Variants in CNTNAP2 observed in about 807,000 individuals in gnomAD.
CNTNAP2 encodes contactin associated protein 2.
CNTNAP2 carries 98 observed loss-of-function variants against 155.2 expected under a neutral mutation model. The observed-to-expected ratio is 0.63, with a 90% CI of 0.54 to 0.75. CNTNAP2 has a LOEUF of 0.75. CNTNAP2 is among the 30% of genes least tolerant of loss of function. The probability of loss-of-function intolerance (pLI) is 0.00; values close to 1 mark genes in which losing one functional copy is unlikely to be tolerated. For synonymous variants in CNTNAP2, 651 were observed against 631.2 expected, an observed-to-expected ratio of 1.03 and a Z score of -0.47; for missense variants, 1,727 against 1,688.1, an observed-to-expected ratio of 1.02 and a Z score of -0.40.
At chr7:147,263,603 A>G (rs969296923) in intron 8 of CNTNAP2, among the ~76,000 whole-genome samples, 1 of 152,324 alleles carries the variant, frequency 6.6e-6, no homozygotes, top group Non-Finnish European at 1.5e-5. Flanking sequence ...TGACTTATAC[A>G]TAATATTAAA....
At chr7:147,886,828 C>T (rs763109968) in intron 13 of CNTNAP2, among the ~76,000 whole-genome samples, 21 of 152,192 alleles carry the variant, frequency 1.4e-4, no homozygotes, top group Non-Finnish European at 2.5e-4. Context: ...CCAAAATTAA[C>T]ACTCTCCTAC....
chr7:147,740,874 C>A (rs1418036196), intron 13 of CNTNAP2, among the ~76,000 whole-genome samples: 1 of 152,062 alleles, frequency 6.6e-6, no homozygotes, highest in Non-Finnish European at 1.5e-5. Flanking sequence ...GAGGGAGGGC[C>A]CAGGCAGAAG....
At position 148,366,080 on chromosome 7, in the gene CNTNAP2, G is replaced by A. The variant is rs371033249; in HGVS notation, c.3476-17569G>A. ...TGTATGCATGTATGCATGTATGTGTGTGCATGTATACATGTATGTGTATGC... is the reference window on the plus strand; with the variant it reads ...TGTATGCATGTATGCATGTATGTGTATGCATGTATACATGTATGTGTATGC... On this transcript the variant is annotated intron_variant, in intron 21 of 23. Coordinates refer to ENST00000361727, the MANE Select transcript of CNTNAP2 (RefSeq NM_014141.6). 1.0e-3 allele frequency among the ~76,000 whole-genome samples: 6 copies of A among 6,020 alleles called. 3 individuals carry two copies. Among genetic ancestry groups the A allele is most frequent in the East Asian group, 1 (2 of 2 alleles). 3.9% of individuals were successfully genotyped at this position (6,020 alleles called of 152,430 possible).
chr7:146,572,141 A>T lies in CNTNAP2; in HGVS notation c.98-202130A>T, dbSNP rs529765427. On this transcript the variant is annotated intron_variant, in intron 1 of 23. Coordinates refer to ENST00000361727, the MANE Select transcript of CNTNAP2 (RefSeq NM_014141.6). ...CTTGAATATTAAAACTCAAATTCACATTCACATTTTAAGGTTTATGAAAAG... is the reference window on the plus strand; with the variant it reads ...CTTGAATATTAAAACTCAAATTCACTTTCACATTTTAAGGTTTATGAAAAG... Among the ~76,000 whole-genome samples the T allele has an allele frequency of 1.6e-4, 24 of 152,304 alleles. No individual in the cohort carries two copies. In the South Asian group the frequency reaches 4.8e-3, roughly 30 times the overall value.
intron 4 of CNTNAP2, among the ~76,000 whole-genome samples, chr7:147,076,509 T>G (rs899932644): frequency 2.6e-5 from 4 of 152,344 alleles, no homozygotes; most frequent in Admixed American, 2.6e-4. Flanking sequence ...TTTGTTTAAG[T>G]TCTTTGTAGA....
intron 13 of CNTNAP2, among the ~76,000 whole-genome samples, chr7:147,830,684 G>A (rs1196809589): frequency 6.6e-6 from 1 of 152,136 alleles, no homozygotes; most frequent in Non-Finnish European, 1.5e-5. Context: ...GGGTTGGAGG[G>A]AAAATAAGAT....
chr7:146,857,615 T>C (rs1306263487), intron 3 of CNTNAP2, among the ~76,000 whole-genome samples: 3 of 152,130 alleles, frequency 2.0e-5, no homozygotes, highest in African/African-American at 7.2e-5. Flanking sequence ...AAAAAGAAGT[T>C]AGACCAAGAG....
At chr7:146,202,364 T>G (rs1798878521) in intron 1 of CNTNAP2, among the ~76,000 whole-genome samples, 1 of 152,204 alleles carries the variant, frequency 6.6e-6, no homozygotes, top group African/African-American at 2.4e-5. Flanking sequence ...AGGATAAAAC[T>G]AGATCAGTCG....
chr7:147,742,023 G>T (rs1226948681), intron 13 of CNTNAP2, among the ~76,000 whole-genome samples: 1 of 152,162 alleles, frequency 6.6e-6, no homozygotes, highest in Non-Finnish European at 1.5e-5. Context: ...CATGGATGGT[G>T]CAGGCAAAGA....
intron 3 of CNTNAP2, among the ~76,000 whole-genome samples, chr7:146,994,514 C>A (rs139298424): frequency 1.3e-5 from 2 of 152,048 alleles, no homozygotes. Flanking sequence ...AATAGAAATA[C>A]ACTTTGCAGC....
chr7:147,680,843 C>T (rs1174675653), intron 13 of CNTNAP2, among the ~76,000 whole-genome samples: 1 of 150,884 alleles, frequency 6.6e-6, no homozygotes, highest in East Asian at 1.9e-4. Context: ...CTAATACCTA[C>T]AAAATATATA....
Position 147,670,754 on chromosome 7 carries a change from G to T in CNTNAP2, c.2098+31448G>T, listed in dbSNP as rs148388733. Among the ~76,000 whole-genome samples, 323 of 152,264 alleles carry T rather than the reference G, an allele frequency of 2.1e-3. 3 individuals carry two copies. The highest frequency in any genetic ancestry group is 7.3e-3 in the African/African-American group (305 of 41,568). ...ATCCCCGACAGTTGCCATCCTTCAGGTTGTTCATATGACCTCATTTCTCCT... is the reference window on the plus strand; with the variant it reads ...ATCCCCGACAGTTGCCATCCTTCAGTTTGTTCATATGACCTCATTTCTCCT... On this transcript the variant is annotated intron_variant, in intron 13 of 23. Transcript: ENST00000361727.
chr7:147,909,647 G>A (rs1381885681), intron 14 of CNTNAP2, among the ~76,000 whole-genome samples: 2 of 152,146 alleles, frequency 1.3e-5, no homozygotes, highest in African/African-American at 4.8e-5. Context: ...CTAATTACAC[G>A]AGTCTTGGTC....
At chr7:147,467,924 A>T (rs187052342) in intron 10 of CNTNAP2, among the ~76,000 whole-genome samples, 153 of 152,228 alleles carry the variant, frequency 1.0e-3, no homozygotes, top group African/African-American at 3.5e-3. Context: ...CTAGCTTCTC[A>T]GGAGGCTGAA....
chr7:147,012,160 G>A (rs577740211), intron 3 of CNTNAP2, among the ~76,000 whole-genome samples: 7 of 152,266 alleles, frequency 4.6e-5, no homozygotes, highest in African/African-American at 1.4e-4. Flanking sequence ...GGGGTGGGAA[G>A]GAGTCACCCC....
At chr7:147,039,819 A>G (rs1346431740) in intron 3 of CNTNAP2, among the ~76,000 whole-genome samples, 1 of 152,198 alleles carries the variant, frequency 6.6e-6, no homozygotes, top group Non-Finnish European at 1.5e-5. Flanking sequence ...CTTTTCTCCA[A>G]AACCTAAATG....
intron 1 of CNTNAP2, among the ~76,000 whole-genome samples, chr7:146,667,894 A>T (rs556403711): frequency 2.0e-5 from 3 of 152,008 alleles, no homozygotes; most frequent in Non-Finnish European, 4.4e-5. Context: ...AGGTTTTTCT[A>T]TATATAGGAT....
chr7:146,288,106 C>G (rs868459607), intron 1 of CNTNAP2, among the ~76,000 whole-genome samples: 20 of 151,656 alleles, frequency 1.3e-4, no homozygotes, highest in African/African-American at 4.8e-4. Flanking sequence ...TTAAGACCAG[C>G]CTGGGCAACA....
intron 3 of CNTNAP2, among the ~76,000 whole-genome samples, chr7:146,917,683 T>G (rs1337089197): frequency 6.6e-6 from 1 of 152,030 alleles, no homozygotes; most frequent in South Asian, 2.1e-4. Flanking sequence ...AATCATGGGG[T>G]GGGTCTTTCC....
Sources: allele counts gnomAD v4.1 joint callset (sites outside exome capture counted in the v4.1 genomes callset), GRCh38; gene constraint gnomAD v4.1.1; transcripts MANE v1.5; gene names NCBI Gene and HGNC (gene_info 2026-07-23, HGNC 2026-07-21).